TSHZ2: variants seen among roughly 807,000 people sequenced by gnomAD.
TSHZ2 encodes the protein teashirt homolog 2.
In TSHZ2, 21 loss-of-function variants were observed where a neutral mutation model predicts 74.4. The observed-to-expected ratio is 0.28, with a 90% CI of 0.20 to 0.41. The LOEUF is 0.41. TSHZ2 is among the 10% of genes least tolerant of loss of function. TSHZ2 has a pLI of 1.00. For missense variants in TSHZ2, 1,244 were observed against 1,293.5 expected (o/e 0.96, Z 0.59); for synonymous variants, 540 against 515.3 (o/e 1.05, Z -0.65).
chr20:53,343,629 A>G (rs1980311292), intron 2 of TSHZ2, among the ~76,000 whole-genome samples: 1 of 152,118 alleles, frequency 6.6e-6, no homozygotes, highest in Admixed American at 6.5e-5. Context: ...CCAACCCTTG[A>G]TTTTCATATC....
At chr20:53,361,388 C>CAA (rs1477168971) in intron 2 of TSHZ2, among the ~76,000 whole-genome samples, 1 of 152,212 alleles carries the variant, frequency 6.6e-6, no homozygotes, top group Non-Finnish European at 1.5e-5. Flanking sequence ...GAAGAAATTA[C>CAA]AACACTGTGT....
chr20:53,196,702 A>T (rs1182260554), intron 1 of TSHZ2, among the ~76,000 whole-genome samples: 1 of 152,212 alleles, frequency 6.6e-6, no homozygotes, highest in African/African-American at 2.4e-5. Context: ...ATACGATCTT[A>T]TTCACACAAC....
At chr20:52,982,502 G>A (rs1286945605) in intron 1 of TSHZ2, among the ~76,000 whole-genome samples, 1 of 152,046 alleles carries the variant, frequency 6.6e-6, no homozygotes, top group African/African-American at 2.4e-5. Flanking sequence ...TCTCTTTATG[G>A]GATGTTCTTT....
chr20:53,002,268 G>A (rs1982469574), intron 1 of TSHZ2, among the ~76,000 whole-genome samples: 1 of 152,202 alleles, frequency 6.6e-6, no homozygotes, highest in East Asian at 1.9e-4. Flanking sequence ...AGGCCAGGCT[G>A]ATCTACCTAG....
At chr20:53,281,781 C>T (rs1991065840) in intron 2 of TSHZ2, among the ~76,000 whole-genome samples, 1 of 152,204 alleles carries the variant, frequency 6.6e-6, no homozygotes, top group Non-Finnish European at 1.5e-5. Flanking sequence ...CTAGCCTCTG[C>T]CTGATCCCAT....
intron 1 of TSHZ2, among the ~76,000 whole-genome samples, chr20:53,131,819 A>ACCC (rs34289663): frequency 4.5e-4 from 43 of 95,418 alleles, no homozygotes; most frequent in Non-Finnish European, 6.7e-4. Context: ...TTGAATGACA[A>ACCC]CCCCCCCCCC....
At position 52,973,152 on chromosome 20, in the gene TSHZ2, G is replaced by T; in HGVS notation, c.-142G>T. On this transcript the variant is annotated 5_prime_UTR_variant, in exon 1 of 3. Transcript: ENST00000371497. ...TGGTGGAGGAGTTGCAGGGGGGATC[G>T]TCAGGGGGACAGAGGCCGAGTGACG... The T allele has an allele frequency of 9.2e-7, 1 of 1,082,974 alleles. No individual in the cohort carries two copies. The highest frequency in any genetic ancestry group is 1.3e-6 in the Non-Finnish European group (1 of 755,526). 67.1% of individuals were successfully genotyped at this position (1,082,974 alleles called of 1,614,324 possible).
intron 2 of TSHZ2, among the ~76,000 whole-genome samples, chr20:53,297,351 G>A (rs964500835): frequency 1.3e-5 from 2 of 151,328 alleles, no homozygotes; most frequent in Admixed American, 1.3e-4. Flanking sequence ...CCAGGATCAG[G>A]CGATCCTCCT....
chr20:53,101,315 T>G (rs1311985955), intron 1 of TSHZ2, among the ~76,000 whole-genome samples: 1 of 152,214 alleles, frequency 6.6e-6, no homozygotes, highest in African/African-American at 2.4e-5. Flanking sequence ...AATTATTGAT[T>G]TAATAATATT....
chr20:53,091,093 T>C (rs1191243971), intron 1 of TSHZ2, among the ~76,000 whole-genome samples: 4 of 152,250 alleles, frequency 2.6e-5, no homozygotes, highest in African/African-American at 9.6e-5. Context: ...AACAATTTAA[T>C]TGTAATGTAT....
At chr20:53,272,842 CAG>C (rs1298963759) in intron 2 of TSHZ2, among the ~76,000 whole-genome samples, 3 of 152,156 alleles carry the variant, frequency 2.0e-5, no homozygotes, top group African/African-American at 4.8e-5. Flanking sequence ...ATAAGAGAAA[CAG>C]GGGATGCAGG....
At chr20:53,350,037 C>G (rs368949181) in intron 2 of TSHZ2, among the ~76,000 whole-genome samples, 2 of 152,200 alleles carry the variant, frequency 1.3e-5, no homozygotes, top group African/African-American at 4.8e-5. Context: ...GCCATCATAT[C>G]CTACTAATGA....
intron 1 of TSHZ2, among the ~76,000 whole-genome samples, chr20:53,143,411 A>G (rs1297410459): frequency 1.3e-5 from 2 of 152,174 alleles, no homozygotes; most frequent in Non-Finnish European, 2.9e-5. Context: ...TAATTGTAAT[A>G]GGCCGGGCGC....
chr20:53,072,171 C>T (rs1427134034), intron 1 of TSHZ2, among the ~76,000 whole-genome samples: 2 of 152,178 alleles, frequency 1.3e-5, no homozygotes, highest in African/African-American at 2.4e-5. Flanking sequence ...CAAATCCAAA[C>T]AGAAAAGCAT....
chr20:53,369,742 C>A (rs952745416), intron 2 of TSHZ2, among the ~76,000 whole-genome samples: 1 of 151,924 alleles, frequency 6.6e-6, no homozygotes, highest in Non-Finnish European at 1.5e-5. Context: ...GAGGAAAAAA[C>A]GACCTCATGT....
chr20:53,106,381 C>A, intron 1 of TSHZ2, among the ~76,000 whole-genome samples: 1 of 139,022 alleles, frequency 7.2e-6, no homozygotes, highest in Non-Finnish European at 1.5e-5. Flanking sequence ...CTAGGGCCTT[C>A]TCACACTTTC....
intron 2 of TSHZ2, among the ~76,000 whole-genome samples, chr20:53,435,794 T>C (rs1984034031): frequency 6.6e-6 from 1 of 152,246 alleles, no homozygotes; most frequent in African/African-American, 2.4e-5. Flanking sequence ...ATTACAGGCA[T>C]GAGCCACCAC....
chr20:53,112,540 T>G (rs1179278672), intron 1 of TSHZ2, among the ~76,000 whole-genome samples: 2 of 152,176 alleles, frequency 1.3e-5, no homozygotes, highest in Non-Finnish European at 2.9e-5. Context: ...GTTTTTTGTT[T>G]GTTTTTGAGA....
chr20:53,106,607 T>C (rs576181090), intron 1 of TSHZ2, among the ~76,000 whole-genome samples: 1 of 150,852 alleles, frequency 6.6e-6, no homozygotes, highest in Non-Finnish European at 1.5e-5. Context: ...GGTTTCACCA[T>C]GTTAGCCAGG....
Sources: allele counts gnomAD v4.1 joint callset (sites outside exome capture counted in the v4.1 genomes callset), GRCh38; gene constraint gnomAD v4.1.1; transcripts MANE v1.5; gene names NCBI Gene and HGNC (gene_info 2026-07-23, HGNC 2026-07-21).